Variants in AFF3 observed in about 807,000 individuals in gnomAD.
The protein encoded by AFF3 is ALF transcription elongation factor 3.
Under a neutral mutation model 129.7 loss-of-function variants are expected in AFF3, and 32 were observed. The ratio of observed to expected loss-of-function variants is 0.25; its 90% CI spans 0.19 to 0.33. The LOEUF (loss-of-function observed/expected upper bound fraction) is 0.33. Ranked by LOEUF, AFF3 falls within the 10% of genes least tolerant of loss-of-function variation. The probability of loss-of-function intolerance (pLI) is 1.00; values close to 1 mark genes in which losing one functional copy is unlikely to be tolerated. For synonymous variants in AFF3, 644 were observed against 635.4 expected (o/e 1.01, Z -0.20); for missense variants, 1,373 against 1,592.0 (o/e 0.86, Z 2.34).
At chr2:99,911,151 T>C (rs1328648142) in intron 7 of AFF3, among the ~76,000 whole-genome samples, 1 of 152,232 alleles carries the variant, frequency 6.6e-6, no homozygotes, top group Non-Finnish European at 1.5e-5. Flanking sequence ...CCATCTATTC[T>C]GTTAGTTGTC....
chr2:99,946,580 C>A (rs1258093890), intron 7 of AFF3, among the ~76,000 whole-genome samples: 1 of 151,076 alleles, frequency 6.6e-6, no homozygotes, highest in Non-Finnish European at 1.5e-5. Flanking sequence ...TGCAGAATTT[C>A]CCCATACCCC....
intron 8 of AFF3, among the ~76,000 whole-genome samples, chr2:99,794,550 T>G (rs115661382): frequency 0.016 from 2,476 of 152,258 alleles, 47 homozygotes; most frequent in Non-Finnish European, 0.022. Context: ...TTGCATAGCC[T>G]TGTGGAATTT....
chr2:99,804,382 T>C (rs1686183369), intron 8 of AFF3, among the ~76,000 whole-genome samples: 1 of 152,098 alleles, frequency 6.6e-6, no homozygotes, highest in Admixed American at 6.5e-5. Context: ...ACAACCACAA[T>C]AGATACCAAC....
chr2:99,983,312 G>C (rs1679577240), intron 7 of AFF3, among the ~76,000 whole-genome samples: 1 of 152,074 alleles, frequency 6.6e-6, no homozygotes, highest in Non-Finnish European at 1.5e-5. Flanking sequence ...GCTTTGAATG[G>C]TTTACAACAT....
intron 7 of AFF3, among the ~76,000 whole-genome samples, chr2:99,947,404 T>C (rs1468884985): frequency 6.6e-6 from 1 of 151,112 alleles, no homozygotes; most frequent in Non-Finnish European, 1.5e-5. Context: ...GGTCGTGCCA[T>C]TGCACTCCAG....
At chr2:99,672,612 A>G (rs751558763) in intron 11 of AFF3, 23 bp from the exon 12 acceptor site, 2 of 1,611,106 alleles carry the variant, frequency 1.2e-6, no homozygotes. Flanking sequence ...ACAAAGAGGT[A>G]CAAAGAGGTA....
chr2:100,116,895 T>C (rs1056271005), intron 2 of AFF3, among the ~76,000 whole-genome samples: 35 of 152,170 alleles, frequency 2.3e-4, no homozygotes, highest in African/African-American at 8.4e-4. Flanking sequence ...TCTTTGTTTC[T>C]TTCAGTCTGG....
rs538311468 is a variant in AFF3 at position 99,558,861 on chromosome 2, T to A, written c.3285+14A>T. On this transcript the variant is annotated intron_variant, in intron 22 of 24. Transcript: ENST00000672756. ...GAAATTAAGGAACAATTCTGCTCATTCACTAGACAGTACCTTGAAATAGTC... is the reference window on the plus strand; with the variant it reads ...GAAATTAAGGAACAATTCTGCTCATACACTAGACAGTACCTTGAAATAGTC... The A allele has an allele frequency of 5.6e-6, 9 of 1,611,206 alleles. No individual in the cohort carries two copies. In the Admixed American group the frequency reaches 1.2e-4, roughly 21 times the overall value.
rs60551168 is a variant in AFF3 at position 99,842,117 on chromosome 2, T to A, written c.874-4593A>T. Among the ~76,000 whole-genome samples, 704 of 152,218 alleles carry A rather than the reference T, an allele frequency of 4.6e-3. 6 individuals are homozygous for A. The highest frequency in any genetic ancestry group is 0.016 in the African/African-American group (673 of 41,512). On this transcript the variant is annotated intron_variant, in intron 7 of 24. Coordinates refer to ENST00000672756, the MANE Select transcript of AFF3 (RefSeq NM_001386135.1). The stretch of plus-strand genomic sequence containing the variant: ...AAAAAATAAGGGGTAAGGGTTTGTG[T>A]CCTTAGAAGTAGGAGGATGGAATTC...
chr2:100,096,547 GA>G (rs1298386334), intron 4 of AFF3, among the ~76,000 whole-genome samples: 3 of 151,710 alleles, frequency 2.0e-5, no homozygotes, highest in African/African-American at 7.3e-5. Context: ...CTTTTCAAAG[GA>G]AATTTTTGTC....
At chr2:99,837,009 G>A (rs1385677463) in intron 8 of AFF3, among the ~76,000 whole-genome samples, 1 of 152,114 alleles carries the variant, frequency 6.6e-6, no homozygotes, top group East Asian at 1.9e-4. Context: ...GGGTGACAGG[G>A]AAAATAACAT....
At chr2:99,681,908 A>AT (rs35944169) in intron 11 of AFF3, among the ~76,000 whole-genome samples, 96,232 of 139,416 alleles carry the variant, frequency 0.69, 33,371 homozygotes, top group South Asian at 0.83. Context: ...CCTTAATTCT[A>AT]TTTTTTTTTT....
At position 99,568,876 on chromosome 2, in the gene AFF3, T is replaced by C. The variant is rs1193372893; in HGVS notation, c.2958A>G (p.Arg986=). The change falls in exon 19 of 25, where the codon CGA becomes CGG. Residue 986 remains arginine (R), a synonymous_variant. Transcript: ENST00000672756. ...SADYFMQEAK[R]MKHKADAMVE... Reference sequence around the variant, plus strand: ...CCATTGCATCTGCTTTATGCTTCATTCGTTTAGCTTCTTGCATAAAATAAT... The same window carrying C: ...CCATTGCATCTGCTTTATGCTTCATCCGTTTAGCTTCTTGCATAAAATAAT... 1 of 1,614,174 alleles carries C rather than the reference T, an allele frequency of 6.2e-7. No individual in the cohort carries two copies. Among genetic ancestry groups the C allele is most frequent in the Admixed American group, 1.7e-5 (1 of 60,030 alleles).
intron 2 of AFF3, among the ~76,000 whole-genome samples, chr2:100,112,980 C>A (rs891679099): frequency 3.3e-5 from 5 of 152,182 alleles, no homozygotes; most frequent in African/African-American, 1.2e-4. Flanking sequence ...CTCTAGACAA[C>A]AATATGAGGT....
chr2:99,994,969 G>A (rs747317923), intron 7 of AFF3, among the ~76,000 whole-genome samples: 5 of 152,104 alleles, frequency 3.3e-5, no homozygotes, highest in Non-Finnish European at 5.9e-5. Flanking sequence ...AAAGACAAGT[G>A]AGAAGGGAAC....
At chr2:100,136,754 T>C (rs1692655047) in intron 1 of AFF3, among the ~76,000 whole-genome samples, 2 of 152,268 alleles carry the variant, frequency 1.3e-5, no homozygotes, top group Non-Finnish European at 2.9e-5. Flanking sequence ...ATTTGAATTT[T>C]ATCAAGTCCT....
At chr2:100,112,812 G>A (rs1691567669) in intron 2 of AFF3, among the ~76,000 whole-genome samples, 1 of 141,700 alleles carries the variant, frequency 7.1e-6, no homozygotes, top group Non-Finnish European at 1.5e-5. Context: ...CCGAGGGCCT[G>A]CCCTGCTCCA....
chr2:99,582,709 G>T, intron 17 of AFF3, 89 bp downstream of exon 17: 1 of 1,402,548 alleles, frequency 7.1e-7, no homozygotes. Flanking sequence ...CCTCAAGCAT[G>T]TGTTCAGACT....
chr2:100,088,013 A>C (rs1689581667), intron 4 of AFF3, among the ~76,000 whole-genome samples: 1 of 151,204 alleles, frequency 6.6e-6, no homozygotes, highest in Non-Finnish European at 1.5e-5. Flanking sequence ...GAACAGCAGG[A>C]AACTTCCTTA....
Sources: allele counts gnomAD v4.1 joint callset (sites outside exome capture counted in the v4.1 genomes callset), GRCh38; gene constraint gnomAD v4.1.1; transcripts MANE v1.5; gene names NCBI Gene and HGNC (gene_info 2026-07-23, HGNC 2026-07-21).